ARL3: variants seen among roughly 807,000 people sequenced by gnomAD.
ARL3 encodes ARF like GTPase 3, also known as ADP-ribosylation factor-like protein 3.
In ARL3, 9 loss-of-function variants were observed where a neutral mutation model predicts 26.0. The ratio of observed to expected loss-of-function variants is 0.35; its 90% CI spans 0.21 to 0.60. The LOEUF is 0.60. Ranked by LOEUF, ARL3 falls within the 20% of genes least tolerant of loss-of-function variation. The pLI, the probability that ARL3 is intolerant of heterozygous loss-of-function variation, is 0.78. For missense variants in ARL3, 158 were observed against 215.7 expected (o/e 0.73, Z 1.67); for synonymous variants, 71 against 78.4 (o/e 0.91, Z 0.50).
intron 1 of ARL3, among the ~76,000 whole-genome samples, chr10:102,707,045 A>G (rs1050807823): frequency 2.6e-5 from 4 of 151,888 alleles, no homozygotes; most frequent in Non-Finnish European, 5.9e-5. Context: ...CTATAATCCC[A>G]GCACTTTGGG....
At chr10:102,682,417 T>C (rs2064160230) in intron 5 of ARL3, among the ~76,000 whole-genome samples, 1 of 152,202 alleles carries the variant, frequency 6.6e-6, no homozygotes, top group Non-Finnish European at 1.5e-5. Context: ...AAAAGTCAGT[T>C]TCCACACCTG....
intron 1 of ARL3, among the ~76,000 whole-genome samples, chr10:102,708,886 T>TAATAGA: frequency 1.1e-5 from 1 of 90,494 alleles, no homozygotes; most frequent in East Asian, 2.9e-4. Context: ...AAACCATATA[T>TAATAGA]TATATATATA....
At chr10:102,694,382 T>A (rs2064236509) in intron 3 of ARL3, among the ~76,000 whole-genome samples, 1 of 152,266 alleles carries the variant, frequency 6.6e-6, no homozygotes, top group Non-Finnish European at 1.5e-5. Flanking sequence ...AAACTCAAGG[T>A]CACCTAGATG....
chr10:102,708,932 T>A, intron 1 of ARL3, among the ~76,000 whole-genome samples: 1 of 139,170 alleles, frequency 7.2e-6, no homozygotes, highest in South Asian at 2.3e-4. Context: ...TGAGACAAGG[T>A]CTCACTCCTA....
Position 102,699,421 on chromosome 10 carries a change from CCT to C in ARL3, c.214_215del (p.Arg72GlufsTer11). On this transcript the variant is annotated frameshift_variant, in exon 3 of 6. Transcript: ENST00000260746. LOFTEE classifies it high-confidence loss of function. ...AATTCTTCCAGTATGGTCTGATTTT[CCT>C]CTGTCCACCAATGTCCCATACATTC... ...KLNVWDIGGQ[R>X]KIRPYWKNYF... 1 of 1,613,080 alleles carries C rather than the reference CCT, an allele frequency of 6.2e-7. No homozygotes were observed. Among genetic ancestry groups the C allele is most frequent in the Non-Finnish European group, 8.5e-7 (1 of 1,179,356 alleles).
chr10:102,714,386 G>C lies in ARL3; in HGVS notation c.-111C>G. ...CCCTCGCACGCACAGCTGAGGAGCT[G>C]AGCAGCAATACGGGGCGGGGTGCAG... On this transcript the variant is annotated 5_prime_UTR_variant, in exon 1 of 6. Coordinates refer to ENST00000260746, the MANE Select transcript of ARL3 (RefSeq NM_004311.4). 27 of 1,145,294 alleles carry C rather than the reference G, an allele frequency of 2.4e-5. No homozygotes were observed. The highest frequency in any genetic ancestry group is 4.2e-5 in the South Asian group (1 of 23,532). 70.9% of individuals were successfully genotyped at this position (1,145,294 alleles called of 1,614,324 possible). A position where few individuals can be genotyped will look rare whatever the true frequency, so the allele number is the denominator to read the frequency against.
intron 4 of ARL3, among the ~76,000 whole-genome samples, chr10:102,688,055 C>T (rs1590121557): frequency 6.6e-6 from 1 of 152,270 alleles, no homozygotes; most frequent in African/African-American, 2.4e-5. Flanking sequence ...TTTCATCAAA[C>T]CTACATCCTA....
intron 3 of ARL3, among the ~76,000 whole-genome samples, chr10:102,694,544 T>A (rs1282491912): frequency 6.6e-6 from 1 of 152,180 alleles, no homozygotes; most frequent in Admixed American, 6.5e-5. Context: ...ATTCTTTTTT[T>A]TTTGCATGTC....
intron 1 of ARL3, among the ~76,000 whole-genome samples, chr10:102,706,508 TCTA>T (rs1347404667): frequency 6.6e-6 from 1 of 152,170 alleles, no homozygotes; most frequent in Non-Finnish European, 1.5e-5. Context: ...TTCAAAATGT[TCTA>T]CTATCATCTT....
At chr10:102,711,433 T>C (rs181451149) in intron 1 of ARL3, among the ~76,000 whole-genome samples, 17 of 151,884 alleles carry the variant, frequency 1.1e-4, no homozygotes, top group Admixed American at 2.0e-4. Flanking sequence ...TGTATATACA[T>C]AACACTGCAC....
intron 5 of ARL3, among the ~76,000 whole-genome samples, chr10:102,682,702 A>C (rs1289607614): frequency 6.6e-6 from 1 of 152,236 alleles, no homozygotes; most frequent in Non-Finnish European, 1.5e-5. Flanking sequence ...AAGCAGTACA[A>C]GACAGGTCTC....
At chr10:102,678,849 A>G (rs751568932) in intron 5 of ARL3, among the ~76,000 whole-genome samples, 38 of 152,238 alleles carry the variant, frequency 2.5e-4, no homozygotes, top group Non-Finnish European at 4.8e-4. Flanking sequence ...CAAACGGCAG[A>G]GCCCTGCTGA....
At chr10:102,698,211 T>TC (rs1187094645) in intron 3 of ARL3, among the ~76,000 whole-genome samples, 1 of 151,926 alleles carries the variant, frequency 6.6e-6, no homozygotes. Context: ...TTTTTTTTTT[T>TC]CTTGTCTTGA....
intron 3 of ARL3, among the ~76,000 whole-genome samples, chr10:102,690,546 A>T (rs532517548): frequency 6.6e-6 from 1 of 151,928 alleles, no homozygotes. Context: ...TCAGCCTCCT[A>T]AAGTGCTGGG....
chr10:102,693,172 T>G (rs769994783), intron 3 of ARL3, among the ~76,000 whole-genome samples: 1 of 152,236 alleles, frequency 6.6e-6, no homozygotes, highest in African/African-American at 2.4e-5. Context: ...CAGAATTTTG[T>G]GTGGAATATC....
rs528904998 is a variant in ARL3 at position 102,699,287 on chromosome 10, A to T, written c.264+86T>A. 2.5e-4 allele frequency: 217 copies of T among 851,312 alleles called. 1 individual carries two copies. The South Asian group carries it at 2.7e-3, about 11-fold the overall frequency. The allele number at this position is 851,312 out of a possible 1,614,324, so 52.7% of individuals were successfully genotyped here. Reference sequence around the variant, plus strand: ...TGATTAATGTTATGGTGGTGGAATTACTGACAAGAAAGAATGTTACAGTGT... The same window carrying T: ...TGATTAATGTTATGGTGGTGGAATTTCTGACAAGAAAGAATGTTACAGTGT... On this transcript the variant is annotated intron_variant, in intron 3 of 5. Transcript: ENST00000260746.
At chr10:102,709,252 CAT>C (rs2064325849) in intron 1 of ARL3, among the ~76,000 whole-genome samples, 1 of 151,660 alleles carries the variant, frequency 6.6e-6, no homozygotes, top group African/African-American at 2.4e-5. Flanking sequence ...GGTTTTTCCT[CAT>C]GTGTCTCTTT....
At position 102,676,078 on chromosome 10, in the gene ARL3, G is replaced by C. The variant is rs1004849962; in HGVS notation, c.*816C>G. 6.6e-6 allele frequency: 1 copy of C among 152,458 alleles called. No individual in the cohort carries two copies. The highest frequency in any genetic ancestry group is 1.5e-5 in the Non-Finnish European group (1 of 68,020). 9.4% of individuals were successfully genotyped at this position (152,458 alleles called of 1,614,324 possible). A position where few individuals can be genotyped will look rare whatever the true frequency, so the allele number is the denominator to read the frequency against. On this transcript the variant is annotated 3_prime_UTR_variant, in exon 6 of 6. Coordinates refer to ENST00000260746, the MANE Select transcript of ARL3 (RefSeq NM_004311.4). ...CCTGTTTACGCTAGCCTGAGCCCTC[G>C]ATGTGAGAGCTTTTTAAGGACCTTG...
At chr10:102,707,438 C>T (rs2064315893) in intron 1 of ARL3, among the ~76,000 whole-genome samples, 1 of 151,954 alleles carries the variant, frequency 6.6e-6, no homozygotes, top group South Asian at 2.1e-4. Context: ...GTTCTAACGA[C>T]ACATGGCTAG....
Sources: gnomAD v4.1 joint callset for allele counts (sites outside exome capture counted in the v4.1 genomes callset) on GRCh38, gnomAD v4.1.1 for gene constraint, MANE v1.5 for transcripts, NCBI Gene and HGNC (gene_info 2026-07-23, HGNC 2026-07-21) for gene names.